Variants in DACH1 observed in about 807,000 individuals in gnomAD.
DACH1 encodes the protein dachshund family transcription factor 1, also known as dachshund homolog 1.
DACH1 carries 12 observed loss-of-function variants against 54.2 expected under a neutral mutation model. The observed-to-expected ratio is 0.22, with a 90% CI of 0.14 to 0.36. The LOEUF (loss-of-function observed/expected upper bound fraction) is 0.36, where lower values mean the gene tolerates loss of function less well. DACH1 is among the 10% of genes least tolerant of loss of function. DACH1 has a pLI of 1.00. For missense variants in DACH1, 805 were observed against 929.8 expected (o/e 0.87, Z 1.75); for synonymous variants, 386 against 366.2 (o/e 1.05, Z -0.62).
At chr13:71,464,185 C>CTAA (rs1469495194) in intron 10 of DACH1, among the ~76,000 whole-genome samples, 1 of 151,796 alleles carries the variant, frequency 6.6e-6, no homozygotes, top group African/African-American at 2.4e-5. Context: ...CCCATACCCT[C>CTAA]TAATTGCCCA....
intron 10 of DACH1, among the ~76,000 whole-genome samples, chr13:71,462,270 A>G (rs2138141685): frequency 6.6e-6 from 1 of 151,816 alleles, no homozygotes; most frequent in East Asian, 1.9e-4. Context: ...AAATCAAGAC[A>G]CTCTAATGCT....
chr13:71,541,821 G>A (rs993596468), intron 6 of DACH1, among the ~76,000 whole-genome samples: 1 of 151,582 alleles, frequency 6.6e-6, no homozygotes, highest in Non-Finnish European at 1.5e-5. Context: ...AAAATGAGTT[G>A]CAGTAGAATT....
At chr13:71,488,918 A>T in intron 7 of DACH1, 79 bp downstream of exon 7, 1 of 1,359,342 alleles carries the variant, frequency 7.4e-7, no homozygotes, top group East Asian at 2.3e-5. Context: ...ATTAAGTAGG[A>T]ACAGTATAAA....
chr13:71,827,464 G>T (rs1888424543), intron 1 of DACH1, among the ~76,000 whole-genome samples: 1 of 152,106 alleles, frequency 6.6e-6, no homozygotes, highest in Non-Finnish European at 1.5e-5. Context: ...TCTTTGGGTT[G>T]CACAGTAAGT....
intron 1 of DACH1, among the ~76,000 whole-genome samples, chr13:71,818,919 C>T (rs1449562962): frequency 1.3e-5 from 2 of 152,122 alleles, no homozygotes; most frequent in African/African-American, 2.4e-5. Flanking sequence ...CATGAAACTC[C>T]CAGGAAGGGA....
chr13:71,615,709 G>A (rs1220765104), intron 3 of DACH1, among the ~76,000 whole-genome samples: 1 of 152,052 alleles, frequency 6.6e-6, no homozygotes, highest in African/African-American at 2.4e-5. Context: ...GAAGATCTTG[G>A]ATAAGAAATG....
intron 1 of DACH1, among the ~76,000 whole-genome samples, chr13:71,787,965 T>A (rs573866357): frequency 5.3e-4 from 81 of 152,308 alleles, no homozygotes; most frequent in African/African-American, 1.9e-3. Context: ...TCTTTGGAAC[T>A]ATTTTTAAAA....
chr13:71,843,619 A>C (rs1168927420), intron 1 of DACH1, among the ~76,000 whole-genome samples: 5 of 152,140 alleles, frequency 3.3e-5, no homozygotes, highest in African/African-American at 1.2e-4. Flanking sequence ...TTGGATTTTG[A>C]AAAATGATAG....
chr13:71,774,541 G>T (rs1885985844), intron 1 of DACH1, among the ~76,000 whole-genome samples: 1 of 152,058 alleles, frequency 6.6e-6, no homozygotes. Flanking sequence ...CATATTATAT[G>T]GTAGAAACCG....
rs139447139 is a variant in DACH1 at position 71,717,893 on chromosome 13, TA to T, written c.849-35984del. Reference sequence around the variant, plus strand: ...TAGTAGTCCAAAAAAACTTTTAAATTAAAAAAAAAACACAGAAATCAAGTAC... The same window carrying T: ...TAGTAGTCCAAAAAAACTTTTAAATTAAAAAAAAACACAGAAATCAAGTAC... On this transcript the variant is annotated intron_variant, in intron 1 of 10. Transcript: ENST00000613252. Among the ~76,000 whole-genome samples, 865 of 148,186 alleles carry T rather than the reference TA, an allele frequency of 5.8e-3. 8 individuals carry two copies. Among genetic ancestry groups the T allele is most frequent in the African/African-American group, 0.018 (745 of 40,490 alleles).
chr13:71,709,220 C>G (rs1882597629), intron 1 of DACH1, among the ~76,000 whole-genome samples: 1 of 151,924 alleles, frequency 6.6e-6, no homozygotes, highest in Non-Finnish European at 1.5e-5. Flanking sequence ...TTTAAAATAT[C>G]AATTCATCAC....
At chr13:71,594,280 A>G (rs1873934643) in intron 3 of DACH1, among the ~76,000 whole-genome samples, 1 of 152,022 alleles carries the variant, frequency 6.6e-6, no homozygotes, top group South Asian at 2.1e-4. Context: ...CTAGGAATAT[A>G]TCATTAATTC....
chr13:71,632,594 G>A (rs1245028252), intron 2 of DACH1, among the ~76,000 whole-genome samples: 1 of 152,002 alleles, frequency 6.6e-6, no homozygotes, highest in Non-Finnish European at 1.5e-5. Flanking sequence ...TAGCAAATAA[G>A]TTACTGCCCA....
Position 71,479,173 on chromosome 13 carries a change from A to G in DACH1, c.1866T>C (p.Asn622=). ...TATCTGGAAATTTGGAAATACCTCTATTCTTTTGTTCCATAGCCAACTGCT... is the reference window on the plus strand; with the variant it reads ...TATCTGGAAATTTGGAAATACCTCTGTTCTTTTGTTCCATAGCCAACTGCT... ...LEKQLAMEQK[N]RAIVQKRLKK... is the part of the protein sequence containing the mutation. Residue 622 remains asparagine, a synonymous_variant, in exon 8 of 11, where the codon AAT becomes AAC. Transcript: ENST00000613252. 1 of 1,607,276 alleles carries G rather than the reference A, an allele frequency of 6.2e-7. No individual in the cohort carries two copies. The highest frequency in any genetic ancestry group is 8.5e-7 in the Non-Finnish European group (1 of 1,178,038).
chr13:71,749,961 C>T (rs190858262), intron 1 of DACH1, among the ~76,000 whole-genome samples: 240 of 152,252 alleles, frequency 1.6e-3, no homozygotes, highest in African/African-American at 4.7e-3. Context: ...CAAAAATAAA[C>T]AAACACTTGT....
intron 3 of DACH1, among the ~76,000 whole-genome samples, chr13:71,623,219 A>G (rs1013093879): frequency 6.6e-6 from 1 of 151,732 alleles, no homozygotes; most frequent in Non-Finnish European, 1.5e-5. Flanking sequence ...CCTTTACATG[A>G]ACAATAAAGA....
intron 1 of DACH1, among the ~76,000 whole-genome samples, chr13:71,791,616 T>G (rs1285355407): frequency 6.6e-6 from 1 of 152,158 alleles, no homozygotes; most frequent in African/African-American, 2.4e-5. Context: ...ACTTCTGACC[T>G]CGGGTGATCC....
At chr13:71,492,798 A>G (rs1879095199) in intron 6 of DACH1, among the ~76,000 whole-genome samples, 1 of 151,016 alleles carries the variant, frequency 6.6e-6, no homozygotes, top group South Asian at 2.1e-4. Flanking sequence ...GGGAGGGTGC[A>G]TATGTTTGAA....
intron 1 of DACH1, among the ~76,000 whole-genome samples, chr13:71,838,005 G>A (rs1172724908): frequency 1.8e-5 from 1 of 55,440 alleles, no homozygotes; most frequent in East Asian, 6.6e-4. Flanking sequence ...GGACTGTGGT[G>A]GGGAGGGGGG....
Sources: gnomAD v4.1 joint callset for allele counts (sites outside exome capture counted in the v4.1 genomes callset) on GRCh38, gnomAD v4.1.1 for gene constraint, MANE v1.5 for transcripts, NCBI Gene and HGNC (gene_info 2026-07-23, HGNC 2026-07-21) for gene names.